TUB: variants seen among roughly 807,000 people sequenced by gnomAD.
TUB encodes the protein TUB bipartite transcription factor.
Under a neutral mutation model 59.7 loss-of-function variants are expected in TUB, and 33 were observed. The ratio of observed to expected loss-of-function variants is 0.55; its 90% CI spans 0.42 to 0.74. The LOEUF is 0.74. TUB is among the 30% of genes least tolerant of loss of function. TUB has a pLI of 0.00. For missense variants in TUB, 659 were observed against 672.0 expected (o/e 0.98, Z 0.21); for synonymous variants, 293 against 256.4 (o/e 1.14, Z -1.36).
chr11:8,077,728 A>G (rs751911021), upstream of TUB: 3 of 152,176 alleles, frequency 2.0e-5, no homozygotes, highest in African/African-American at 7.2e-5. Context: ...CCTTGCCCCC[A>G]GCACATTGTA....
chr11:8,053,540 G>A (rs923067181), intron 2 of TUB, among the ~76,000 whole-genome samples: 1 of 151,266 alleles, frequency 6.6e-6, no homozygotes, highest in Non-Finnish European at 1.5e-5. Context: ...TCGCTCTGTC[G>A]CCCAGGCTGG....
At chr11:8,066,611 C>T (rs752147191) in intron 2 of TUB, among the ~76,000 whole-genome samples, 17 of 152,176 alleles carry the variant, frequency 1.1e-4, no homozygotes, top group East Asian at 1.9e-4. Flanking sequence ...GGGGCAACAC[C>T]GCTCAGCAGC....
intron 1 of TUB, 114 bp downstream of exon 1, chr11:8,081,662 G>A: frequency 8.3e-7 from 1 of 1,206,848 alleles, no homozygotes; most frequent in Non-Finnish European, 1.1e-6. Context: ...TCCCAGCACT[G>A]GGGCGCGGGT....
intron 2 of TUB, among the ~76,000 whole-genome samples, chr11:8,058,571 T>G (rs1391750328): frequency 6.6e-6 from 1 of 152,258 alleles, no homozygotes; most frequent in Non-Finnish European, 1.5e-5. Context: ...GGTGTCATGT[T>G]TATAGTTGCT....
chr11:8,027,640 C>G (rs1942517712), intron 1 of TUB, among the ~76,000 whole-genome samples: 1 of 152,130 alleles, frequency 6.6e-6, no homozygotes, highest in Non-Finnish European at 1.5e-5. Flanking sequence ...TCAGCCTCCC[C>G]AGTAGCTGGG....
At chr11:8,024,078 A>C (rs1384185229) in intron 1 of TUB, among the ~76,000 whole-genome samples, 1 of 152,162 alleles carries the variant, frequency 6.6e-6, no homozygotes, top group Non-Finnish European at 1.5e-5. Context: ...TTCCTTATAC[A>C]TTACTCCTGC....
intron 1 of TUB, among the ~76,000 whole-genome samples, chr11:8,084,374 C>A (rs992016681): frequency 6.6e-6 from 1 of 152,128 alleles, no homozygotes; most frequent in African/African-American, 2.4e-5. Context: ...ATGTTTTTGT[C>A]TTTTGTTTCT....
At chr11:8,045,063 G>A in intron 2 of TUB, among the ~76,000 whole-genome samples, 1 of 152,216 alleles carries the variant, frequency 6.6e-6, no homozygotes, top group East Asian at 1.9e-4. Flanking sequence ...TTGACCATTG[G>A]TGAGTGAACT....
At chr11:8,021,173 A>AAGCTT (rs1554919124) in intron 1 of TUB, among the ~76,000 whole-genome samples, 2 of 152,152 alleles carry the variant, frequency 1.3e-5, no homozygotes, top group Non-Finnish European at 1.5e-5. Context: ...GTATTAAATG[A>AAGCTT]GGTAATAGGC....
Position 8,101,794 on chromosome 11 carries a change from A to T in TUB, c.*175A>T. ...ACTGGCTCCTTTGCCTCTGCTACTG[A>T]GGCAGGGGAGTAGTGGAGAGCGGGT... On this transcript the variant is annotated 3_prime_UTR_variant, in exon 12 of 12. Coordinates refer to ENST00000299506, the MANE Select transcript of TUB (RefSeq NM_177972.3). 16 of 1,096,234 alleles carry T rather than the reference A, an allele frequency of 1.5e-5. No individual in the cohort carries two copies. Among genetic ancestry groups the T allele is most frequent in the Middle Eastern group, 3.3e-4 (1 of 3,066 alleles). The allele number at this position is 1,096,234 out of a possible 1,614,324, so 67.9% of individuals were successfully genotyped here.
intron 1 of TUB, among the ~76,000 whole-genome samples, chr11:8,028,483 A>G (rs1233160171): frequency 6.6e-6 from 1 of 152,198 alleles, no homozygotes; most frequent in East Asian, 1.9e-4. Flanking sequence ...TTATAGTGTC[A>G]TATCTAAGAA....
At chr11:8,049,560 G>GATATATATATATAT (rs1589932652) in intron 2 of TUB, among the ~76,000 whole-genome samples, 1 of 21,420 alleles carries the variant, frequency 4.7e-5, no homozygotes, top group African/African-American at 1.1e-4. Flanking sequence ...GGTATTATGT[G>GATATATATATATAT]GTATATATAT....
At position 8,100,992 on chromosome 11, in the gene TUB, A is replaced by G; in HGVS notation, c.1382A>G (p.Asn461Ser). ...AAGAACTTCCAGATCATCCATGGCA[A>G]TGACCGTGAGTGTTTCTGTCCCTAC... The part of the protein sequence containing the change: ...SVKNFQIIHG[N>S]DPDYIVMQFG... Residue 461 changes from asparagine (N) to serine (S), a missense_variant, in exon 11 of 12, where the codon AAT (asparagine) becomes AGT (serine). Asn to Ser is a conservative substitution (Grantham distance 46, BLOSUM62 1). Coordinates refer to ENST00000299506, the MANE Select transcript of TUB (RefSeq NM_177972.3). 1.2e-6 allele frequency: 2 copies of G among 1,614,170 alleles called. No individual in the cohort carries two copies. Among genetic ancestry groups the G allele is most frequent in the South Asian group, 1.1e-5 (1 of 91,082 alleles).
intron 2 of TUB, among the ~76,000 whole-genome samples, chr11:8,066,042 T>C (rs1384427467): frequency 6.6e-6 from 1 of 152,166 alleles, no homozygotes; most frequent in African/African-American, 2.4e-5. Context: ...TTGTGCATGG[T>C]GGTCAGTGCT....
intron 1 of TUB, among the ~76,000 whole-genome samples, chr11:8,026,202 A>C (rs149363371): frequency 6.6e-6 from 1 of 152,238 alleles, no homozygotes; most frequent in East Asian, 1.9e-4. Context: ...CTGTGGATGC[A>C]TCTCCTTTAT....
At chr11:8,074,215 G>A (rs1943408905) in intron 2 of TUB, among the ~76,000 whole-genome samples, 1 of 152,012 alleles carries the variant, frequency 6.6e-6, no homozygotes, top group South Asian at 2.1e-4. Flanking sequence ...AGGTCTTAGG[G>A]GCCAAAGCTG....
intron 11 of TUB, 123 bp from the exon 12 acceptor site, chr11:8,101,363 C>T: frequency 1.6e-6 from 2 of 1,285,104 alleles, no homozygotes; most frequent in East Asian, 2.3e-5. Context: ...CTTTGTGATT[C>T]CCCTGGCATC....
At position 8,101,857 on chromosome 11, in the gene TUB, C is replaced by CGGCGAG; in HGVS notation, c.*238_*239insGGCGAG. 1.7e-5 allele frequency: 10 copies of CGGCGAG among 576,038 alleles called. No homozygotes were observed. Among genetic ancestry groups the CGGCGAG allele is most frequent in the South Asian group, 4.9e-5 (2 of 40,968 alleles). 35.7% of individuals were successfully genotyped at this position (576,038 alleles called of 1,614,324 possible). A position where few individuals can be genotyped will look rare whatever the true frequency, so the allele number is the denominator to read the frequency against. ...AGGGATGAGAATAATTCTTTCCATG[C>CGGCGAG]CACGAGATCAACACACACTCCCACC... On this transcript the variant is annotated 3_prime_UTR_variant, in exon 12 of 12. Transcript: ENST00000299506.
intron 2 of TUB, among the ~76,000 whole-genome samples, chr11:8,063,963 T>C (rs1357789702): frequency 2.0e-5 from 3 of 152,200 alleles, no homozygotes; most frequent in Non-Finnish European, 2.9e-5. Context: ...GTTTCAATGA[T>C]TGGTGACATT....
Sources: gnomAD v4.1 joint callset for allele counts (sites outside exome capture counted in the v4.1 genomes callset) on GRCh38, gnomAD v4.1.1 for gene constraint, MANE v1.5 for transcripts, NCBI Gene and HGNC (gene_info 2026-07-23, HGNC 2026-07-21) for gene names.